The following CCDC30 variants were observed in gnomAD, a reference collection of about 807,000 sequenced individuals.
CCDC30 encodes coiled-coil domain containing 30.
CCDC30 carries 70 observed loss-of-function variants against 100.2 expected under a neutral mutation model. The observed-to-expected ratio is 0.70, with a 90% CI of 0.58 to 0.85. The LOEUF is 0.85. CCDC30 is among the 40% of genes least tolerant of loss of function. The probability of loss-of-function intolerance (pLI) is 0.00; values close to 1 mark genes in which losing one functional copy is unlikely to be tolerated. For synonymous variants in CCDC30, 233 were observed against 269.5 expected, an observed-to-expected ratio of 0.86 and a Z score of 1.33; for missense variants, 652 against 771.2, an observed-to-expected ratio of 0.85 and a Z score of 1.83.
At chr1:42,576,663 G>C (rs1333477475) in intron 7 of CCDC30, among the ~76,000 whole-genome samples, 1 of 152,228 alleles carries the variant, frequency 6.6e-6, no homozygotes, top group Non-Finnish European at 1.5e-5. Flanking sequence ...GTCACAGAAT[G>C]CTACTGAGAA....
chr1:42,652,429 T>C (rs887338755), intron 15 of CCDC30, among the ~76,000 whole-genome samples: 5 of 152,212 alleles, frequency 3.3e-5, no homozygotes, highest in African/African-American at 1.2e-4. Context: ...CATTCCATAT[T>C]ATATATCATA....
intron 15 of CCDC30, among the ~76,000 whole-genome samples, chr1:42,652,628 C>A (rs1358698360): frequency 1.3e-5 from 2 of 151,992 alleles, no homozygotes; most frequent in Admixed American, 1.3e-4. Context: ...TGAAAACAAC[C>A]CACTCTCCAT....
At chr1:42,606,076 C>T (rs758781142) in intron 10 of CCDC30, among the ~76,000 whole-genome samples, 7 of 152,122 alleles carry the variant, frequency 4.6e-5, no homozygotes, top group Non-Finnish European at 1.0e-4. Flanking sequence ...ATAAAGTATA[C>T]CTAACTCTAT....
intron 11 of CCDC30, among the ~76,000 whole-genome samples, chr1:42,632,349 C>G (rs531454610): frequency 1.3e-5 from 2 of 152,230 alleles, no homozygotes; most frequent in Admixed American, 6.5e-5. Context: ...CACTTGTAAT[C>G]CCAGCTACTC....
At chr1:42,457,466 G>C in the CCDC30 span, 2 of 882,292 alleles carry the variant, frequency 2.3e-6, no homozygotes, top group Non-Finnish European at 3.7e-6. Flanking sequence ...AGGGGATACA[G>C]AGATGAATAA....
At chr1:42,556,180 G>A in intron 6 of CCDC30, 1 of 1,612,026 alleles carries the variant, frequency 6.2e-7, no homozygotes, top group Non-Finnish European at 8.5e-7. Flanking sequence ...AAAGAAAGCA[G>A]AAGGAAATTC....
chr1:42,501,021 T>C lies in CCDC30; in HGVS notation c.456+2105T>C, dbSNP rs1289263621. On this transcript the variant is annotated intron_variant, in intron 6 of 16. Coordinates refer to ENST00000668663, the Ensembl canonical transcript of CCDC30. The stretch of plus-strand genomic sequence containing the variant: ...TATAAAGAGTAGAAGTTTTAAAATT[T>C]TGATGGAGGTGAATTCATCAATGTT... Among the ~76,000 whole-genome samples, 3 of 152,308 alleles carry C rather than the reference T, an allele frequency of 2.0e-5. No individual in the cohort carries two copies. In the East Asian group the frequency reaches 5.8e-4, roughly 29 times the overall value.
intron 10 of CCDC30, among the ~76,000 whole-genome samples, chr1:42,595,795 A>G (rs1258036782): frequency 2.6e-5 from 4 of 152,270 alleles, no homozygotes; most frequent in Middle Eastern, 6.8e-3. Context: ...CCTGAAAAAT[A>G]TATATTCCTG....
chr1:42,460,618 G>A (rs1191882750), upstream of CCDC30, among the ~76,000 whole-genome samples: 1 of 152,132 alleles, frequency 6.6e-6, no homozygotes, highest in Non-Finnish European at 1.5e-5. Flanking sequence ...CTTCCACCTG[G>A]GACCAGGCAG....
intron 6 of CCDC30, among the ~76,000 whole-genome samples, chr1:42,499,960 T>C (rs2148477581): frequency 6.6e-6 from 1 of 152,282 alleles, no homozygotes; most frequent in Non-Finnish European, 1.5e-5. Context: ...CCCCACTTCT[T>C]CTACCCCAGA....
At chr1:42,571,882 G>C (rs1463146915) in intron 7 of CCDC30, among the ~76,000 whole-genome samples, 1 of 152,198 alleles carries the variant, frequency 6.6e-6, no homozygotes, top group East Asian at 1.9e-4. Context: ...CTTTGCCTTT[G>C]AACAGAGGGT....
intron 1 of CCDC30, chr1:42,464,337 C>G (rs1289967715): frequency 1.3e-5 from 2 of 152,130 alleles, no homozygotes; most frequent in African/African-American, 4.8e-5. Flanking sequence ...TTCCTTGTTT[C>G]ATTAAATTTT....
At chr1:42,484,287 T>A (rs1644014878) in intron 3 of CCDC30, among the ~76,000 whole-genome samples, 1 of 152,198 alleles carries the variant, frequency 6.6e-6, no homozygotes, top group South Asian at 2.1e-4. Context: ...AACTATACAC[T>A]TAAAAGGGTG....
At chr1:42,500,763 GT>G (rs142893086) in intron 6 of CCDC30, among the ~76,000 whole-genome samples, 20,653 of 151,842 alleles carry the variant, frequency 0.14, 1,546 homozygotes, top group East Asian at 0.18. Context: ...GTTTTGTTTT[GT>G]TTTTTTACAT....
At chr1:42,471,308 A>G (rs1479520857) in intron 1 of CCDC30, among the ~76,000 whole-genome samples, 1 of 152,196 alleles carries the variant, frequency 6.6e-6, no homozygotes, top group African/African-American at 2.4e-5. Context: ...CCACCCCTAC[A>G]GCATGGGGAT....
intron 7 of CCDC30, chr1:42,569,146 A>G (rs1368591425): frequency 6.6e-6 from 1 of 152,214 alleles, no homozygotes; most frequent in African/African-American, 2.4e-5. Context: ...TTTTTAAACT[A>G]AAGAGTTTCC....
At chr1:42,651,128 G>T (rs1648309172) in intron 15 of CCDC30, among the ~76,000 whole-genome samples, 1 of 152,204 alleles carries the variant, frequency 6.6e-6, no homozygotes, top group Admixed American at 6.5e-5. Context: ...ACTACTAGAA[G>T]AACACTACAT....
At chr1:42,551,906 G>A (rs1645260243) in intron 6 of CCDC30, among the ~76,000 whole-genome samples, 3 of 151,674 alleles carry the variant, frequency 2.0e-5, no homozygotes, top group African/African-American at 7.3e-5. Context: ...AGGCACATAG[G>A]TACATGCCAC....
At chr1:42,471,220 G>A (rs1284580015) in intron 1 of CCDC30, among the ~76,000 whole-genome samples, 1 of 152,098 alleles carries the variant, frequency 6.6e-6, no homozygotes, top group East Asian at 1.9e-4. Context: ...TGATCAGCAA[G>A]GATCAGATCC....
Sources: gnomAD v4.1 joint callset for allele counts (sites outside exome capture counted in the v4.1 genomes callset) on GRCh38, gnomAD v4.1.1 for gene constraint, MANE v1.5 for transcripts, NCBI Gene and HGNC (gene_info 2026-07-23, HGNC 2026-07-21) for gene names.